The following CORO2B variants were observed in gnomAD, a reference collection of about 807,000 sequenced individuals.
The protein encoded by CORO2B is coronin-2B.
In CORO2B, 26 loss-of-function variants were observed where a neutral mutation model predicts 58.8. That is an observed-to-expected ratio of 0.44 (90% CI 0.32 to 0.61). The LOEUF (loss-of-function observed/expected upper bound fraction) is 0.61. Among genes scored for constraint, CORO2B ranks in the 20% least tolerant of loss-of-function variants. The pLI is 0.04. For synonymous variants in CORO2B, 242 were observed against 253.8 expected (o/e 0.95, Z 0.44); for missense variants, 460 against 645.1 (o/e 0.71, Z 3.11).
At chr15:68,518,929 C>T in the CORO2B span, among the ~76,000 whole-genome samples, 8,026 of 152,238 alleles carry the variant, frequency 0.053, 282 homozygotes, top group African/African-American at 0.094. Context: ...GAGCCTGGAC[C>T]GGGTCTCTGC....
chr15:68,713,137 C>A (rs576626644), intron 5 of CORO2B, among the ~76,000 whole-genome samples: 1 of 152,290 alleles, frequency 6.6e-6, no homozygotes, highest in South Asian at 2.1e-4. Context: ...CCCAAGACAG[C>A]TCAGTTAAGG....
intron 1 of CORO2B, among the ~76,000 whole-genome samples, chr15:68,604,214 G>A (rs920635009): frequency 2.6e-5 from 4 of 152,062 alleles, no homozygotes; most frequent in Admixed American, 1.3e-4. Flanking sequence ...TTCCCTTGAC[G>A]CATACTCCAG....
intron 1 of CORO2B, among the ~76,000 whole-genome samples, chr15:68,622,632 A>G (rs540987078): frequency 8.3e-4 from 126 of 152,306 alleles, no homozygotes; most frequent in Non-Finnish European, 1.6e-3. Context: ...GCTCAGCCCT[A>G]TGGAGCACCT....
At chr15:68,635,659 CTT>C (rs1344546930) in intron 1 of CORO2B, among the ~76,000 whole-genome samples, 9 of 152,208 alleles carry the variant, frequency 5.9e-5, no homozygotes, top group Non-Finnish European at 1.0e-4. Flanking sequence ...CCTTGAAAGC[CTT>C]TTTGTGTCAG....
intron 1 of CORO2B, among the ~76,000 whole-genome samples, chr15:68,621,551 G>A (rs1307343215): frequency 6.6e-6 from 1 of 152,212 alleles, no homozygotes. Context: ...CCTGGGATGG[G>A]AATGAACTGT....
chr15:68,538,087 A>T, the CORO2B span, among the ~76,000 whole-genome samples: 1 of 152,248 alleles, frequency 6.6e-6, no homozygotes, highest in Admixed American at 6.5e-5. Context: ...ATTCAGAGAA[A>T]TATATAATTT....
chr15:68,597,725 T>A (rs1899875311), intron 1 of CORO2B, among the ~76,000 whole-genome samples: 1 of 152,086 alleles, frequency 6.6e-6, no homozygotes, highest in African/African-American at 2.4e-5. Context: ...GTTACTGTGG[T>A]GAACAAGGGC....
intron 2 of CORO2B, among the ~76,000 whole-genome samples, chr15:68,688,747 A>G (rs1414421913): frequency 6.6e-6 from 1 of 152,228 alleles, no homozygotes; most frequent in Non-Finnish European, 1.5e-5. Flanking sequence ...ATGATAAATA[A>G]CATGGCAGTG....
At chr15:68,571,757 C>G in the CORO2B span, among the ~76,000 whole-genome samples, 4 of 152,218 alleles carry the variant, frequency 2.6e-5, no homozygotes, top group African/African-American at 9.6e-5. Flanking sequence ...TTCTTGGGAA[C>G]AGGAGTTTGA....
the CORO2B span, among the ~76,000 whole-genome samples, chr15:68,571,170 C>G: frequency 6.6e-6 from 1 of 152,252 alleles, no homozygotes. Flanking sequence ...TTGTTAGTTT[C>G]TGAGGAATTT....
intron 1 of CORO2B, among the ~76,000 whole-genome samples, chr15:68,641,267 T>C (rs909978175): frequency 6.6e-6 from 1 of 152,180 alleles, no homozygotes; most frequent in Non-Finnish European, 1.5e-5. Flanking sequence ...GCCTGAGCGC[T>C]GTGGTCCCCC....
rs1464491268 is a variant in CORO2B at position 68,674,973 on chromosome 15, T to C, written c.217-20167T>C. 2.0e-5 allele frequency among the ~76,000 whole-genome samples: 3 copies of C among 152,208 alleles called. No homozygotes were observed. In the South Asian group the frequency reaches 6.2e-4, roughly 32 times the overall value. Reference sequence around the variant, plus strand: ...AGGAATGAATCCCTAATAGTAGAACTTCAGGTATCAGTCAGCTAGAGAGTC... The same window carrying C: ...AGGAATGAATCCCTAATAGTAGAACCTCAGGTATCAGTCAGCTAGAGAGTC... On this transcript the variant is annotated intron_variant, in intron 2 of 11. Coordinates refer to ENST00000261861, the MANE Select transcript of CORO2B (RefSeq NM_006091.5).
intron 1 of CORO2B, among the ~76,000 whole-genome samples, chr15:68,642,821 G>A (rs969288055): frequency 3.3e-5 from 5 of 152,176 alleles, no homozygotes; most frequent in East Asian, 3.9e-4. Flanking sequence ...TAAAGGCTGA[G>A]GGTTGGCTGC....
At chr15:68,674,750 G>C (rs981219506) in intron 2 of CORO2B, among the ~76,000 whole-genome samples, 1 of 152,202 alleles carries the variant, frequency 6.6e-6, no homozygotes, top group African/African-American at 2.4e-5. Flanking sequence ...AGTTTGCCCT[G>C]ATCCCAACTA....
chr15:68,714,796 C>A, intron 7 of CORO2B, 133 bp downstream of exon 7: 2 of 674,194 alleles, frequency 3.0e-6, no homozygotes, highest in Non-Finnish European at 5.2e-6. Context: ...CCTTTCCCAT[C>A]CACACCTGCC....
intron 1 of CORO2B, among the ~76,000 whole-genome samples, chr15:68,616,279 G>A (rs191684468): frequency 3.4e-4 from 52 of 152,132 alleles, no homozygotes; most frequent in East Asian, 7.7e-4. Flanking sequence ...GCACTTATTC[G>A]GGGGAAAAAG....
At chr15:68,550,405 TAAG>T in the CORO2B span, among the ~76,000 whole-genome samples, 220 of 152,304 alleles carry the variant, frequency 1.4e-3, 2 homozygotes, top group African/African-American at 4.8e-3. Flanking sequence ...TCTCTGGAGC[TAAG>T]GAGTCAGAAT....
rs1901375804 is a variant in CORO2B, at chr15:68,645,018, T to C, written c.16-142T>C. On this transcript the variant is annotated intron_variant, in intron 1 of 11. Transcript: ENST00000261861. This position sits in a 1 kb window ranked among gnomAD's most constrained non-coding sequence, Gnocchi z 4.5. ...CCTGAATTCTTGGATGCTTCTTCCT[T>C]TCCATCTCTTCCTGACAGGGGACCC... The C allele has an allele frequency of 1.3e-6, 1 of 760,358 alleles. No individual in the cohort carries two copies. Among genetic ancestry groups the C allele is most frequent in the Admixed American group, 2.8e-5 (1 of 35,714 alleles). 47.1% of individuals were successfully genotyped at this position (760,358 alleles called of 1,614,324 possible).
intron 2 of CORO2B, among the ~76,000 whole-genome samples, chr15:68,667,603 C>G (rs986037588): frequency 6.6e-6 from 1 of 152,184 alleles, no homozygotes; most frequent in Non-Finnish European, 1.5e-5. Context: ...GATTTAAAAC[C>G]CTGCGTGAGG....
Sources: allele counts gnomAD v4.1 joint callset (sites outside exome capture counted in the v4.1 genomes callset), GRCh38; gene constraint gnomAD v4.1.1; non-coding constraint Gnocchi (gnomAD v3.1); transcripts MANE v1.5; gene names NCBI Gene and HGNC (gene_info 2026-07-23, HGNC 2026-07-21).